Variants in AP3S2 observed in about 807,000 individuals in gnomAD.
AP3S2 encodes adaptor related protein complex 3 subunit sigma 2, also known as AP-3 complex subunit sigma-2.
A neutral mutation model predicts 23.4 loss-of-function variants in AP3S2; 22 were observed. That is an observed-to-expected ratio of 0.94 (90% confidence interval 0.67 to 1.34). The LOEUF is 1.34. Ranked by LOEUF, AP3S2 falls within the 40% of genes most tolerant of loss-of-function variation. AP3S2 has a pLI of 0.00. For synonymous variants in AP3S2, 86 were observed against 87.1 expected (o/e 0.99, Z 0.07); for missense variants, 241 against 236.9 (o/e 1.02, Z -0.11).
intron 5 of AP3S2, among the ~76,000 whole-genome samples, 197 bp from the exon 6 acceptor site, chr15:89,835,840 C>T (rs1358907028): frequency 1.3e-5 from 2 of 152,014 alleles, no homozygotes; most frequent in Non-Finnish European, 2.9e-5. Context: ...TAGGCCTGGC[C>T]AACATGGTGA....
At chr15:89,881,884 G>C (rs1028008201) in intron 3 of AP3S2, among the ~76,000 whole-genome samples, 1 of 150,810 alleles carries the variant, frequency 6.6e-6, no homozygotes, top group African/African-American at 2.4e-5. Flanking sequence ...GCAATGGCAC[G>C]ATCTCAGCTT....
chr15:89,893,732 G>C, intron 1 of AP3S2, 149 bp downstream of exon 1: 1 of 726,206 alleles, frequency 1.4e-6, no homozygotes, highest in South Asian at 1.9e-5. Flanking sequence ...CCTGCGCCTA[G>C]ATTAAATGCT....
Position 89,835,644 on chromosome 15 carries a change from C to A in AP3S2, c.454-1G>T. On this transcript the variant is annotated splice_acceptor_variant, in intron 5 of 5. Coordinates refer to ENST00000336418, the MANE Select transcript of AP3S2 (RefSeq NM_005829.5). LOFTEE classifies it high-confidence loss of function. ...GCGCAGGGGCTGCTGAAAGGCCACC[C>A]TAAGAAGAAATGAGAGGCGAGTATG... 6.2e-7 allele frequency: 1 copy of A among 1,608,194 alleles called. No homozygotes were observed. Among genetic ancestry groups the A allele is most frequent in the South Asian group, 1.1e-5 (1 of 90,496 alleles).
At position 89,833,033 on chromosome 15, in the gene AP3S2, T is replaced by A. The variant is rs1037156408; in HGVS notation, c.*2482A>T. On this transcript the variant is annotated 3_prime_UTR_variant, in exon 6 of 6. Transcript: ENST00000336418. The stretch of plus-strand genomic sequence containing the variant: ...TCAATGATTTTTTAAAACCATTGGT[T>A]TCTGGCAGGCAAAACATTCAAAATC... 3.9e-5 allele frequency: 6 copies of A among 152,216 alleles called. No individual in the cohort carries two copies. The highest frequency in any genetic ancestry group is 1.4e-4 in the African/African-American group (6 of 41,452). The allele number at this position is 152,216 out of a possible 1,614,324, so 9.4% of individuals were successfully genotyped here. A position where few individuals can be genotyped will look rare whatever the true frequency, so the allele number is the denominator to read the frequency against.
intron 4 of AP3S2, among the ~76,000 whole-genome samples, chr15:89,861,782 A>C (rs2141867979): frequency 6.6e-6 from 1 of 152,304 alleles, no homozygotes; most frequent in Non-Finnish European, 1.5e-5. Flanking sequence ...CTAACCAAGC[A>C]GGGAAAACAT....
In AP3S2 at chr15:89,868,977, C is replaced by T. The variant is rs1248030706; in HGVS notation, c.345+2498G>A. Among the ~76,000 whole-genome samples the T allele has an allele frequency of 2.6e-4, 39 of 148,624 alleles. 1 individual carries two copies. In the South Asian group the frequency reaches 6.6e-3, roughly 25 times the overall value. Reference sequence around the variant, plus strand: ...GGTCAGCCCCCTGCCCGGCCAGCCGCCCCGTCCGGGAGGTGAGGGGCGCCT... The same window carrying T: ...GGTCAGCCCCCTGCCCGGCCAGCCGTCCCGTCCGGGAGGTGAGGGGCGCCT... On this transcript the variant is annotated intron_variant, in intron 4 of 5. Coordinates refer to ENST00000336418, the MANE Select transcript of AP3S2 (RefSeq NM_005829.5).
At chr15:89,876,057 T>C (rs1401527076) in intron 3 of AP3S2, among the ~76,000 whole-genome samples, 1 of 152,052 alleles carries the variant, frequency 6.6e-6, no homozygotes, top group Admixed American at 6.5e-5. Flanking sequence ...ATCATCGTAG[T>C]AGAGGGAAAA....
intron 1 of AP3S2, among the ~76,000 whole-genome samples, chr15:89,892,865 C>T (rs1293223560): frequency 2.0e-5 from 3 of 152,034 alleles, no homozygotes; most frequent in Non-Finnish European, 4.4e-5. Context: ...GGGGTTTCAC[C>T]GTGTTAGCCA....
intron 4 of AP3S2, chr15:89,852,305 T>C (rs1258085274): frequency 6.6e-6 from 1 of 152,258 alleles, no homozygotes; most frequent in Admixed American, 6.5e-5. Context: ...TAGTTCTTAG[T>C]AAGTACTCGG....
chr15:89,849,659 G>A lies in AP3S2; in HGVS notation c.346-11937C>T, dbSNP rs376755781. Among the ~76,000 whole-genome samples, 39 of 152,116 alleles carry A rather than the reference G, an allele frequency of 2.6e-4. No homozygotes were observed. In the East Asian group the frequency reaches 6.2e-3, roughly 24 times the overall value. ...TGGGATTACAGGCATGAGCCACTGC[G>A]CCCAGCCTATGAATTGTACTTTTTT... On this transcript the variant is annotated intron_variant, in intron 4 of 5. Transcript: ENST00000336418.
chr15:89,889,168 G>A (rs767644657), intron 1 of AP3S2, 28 bp from the exon 2 acceptor site: 17 of 1,613,498 alleles, frequency 1.1e-5, no homozygotes, highest in African/African-American at 1.3e-5. Flanking sequence ...AAGTGAATCA[G>A]TGGGCAAGCC....
intron 4 of AP3S2, among the ~76,000 whole-genome samples, chr15:89,865,156 G>A (rs1290969891): frequency 2.6e-5 from 4 of 152,066 alleles, no homozygotes; most frequent in Admixed American, 2.6e-4. Flanking sequence ...GTCCACTGGG[G>A]AGCACTGCTC....
intron 4 of AP3S2, among the ~76,000 whole-genome samples, chr15:89,843,648 C>T (rs938847066): frequency 1.3e-5 from 2 of 151,624 alleles, no homozygotes; most frequent in Admixed American, 1.3e-4. Context: ...AAAAAACAAA[C>T]AAACAAAAGT....
chr15:89,878,237 G>A, intron 3 of AP3S2: 1 of 633,288 alleles, frequency 1.6e-6, no homozygotes, highest in South Asian at 1.8e-5. Context: ...AAAAACAACA[G>A]CAAAACTGTA....
intron 3 of AP3S2, among the ~76,000 whole-genome samples, chr15:89,885,305 A>G (rs1896671003): frequency 6.6e-6 from 1 of 151,682 alleles, no homozygotes; most frequent in Admixed American, 6.6e-5. Context: ...GGTGATTCTC[A>G]TGCCTTGGCT....
At chr15:89,842,377 G>A (rs1567173007) in intron 4 of AP3S2, among the ~76,000 whole-genome samples, 1 of 152,084 alleles carries the variant, frequency 6.6e-6, no homozygotes. Context: ...AGAGGATTGG[G>A]GTCTACACAC....
chr15:89,838,025 T>C (rs1895237889), intron 4 of AP3S2: 1 of 337,812 alleles, frequency 3.0e-6, no homozygotes. Context: ...CCTGGGCAAA[T>C]GACCTTTAAA....
At chr15:89,888,839 G>A (rs1006315487) in intron 2 of AP3S2, among the ~76,000 whole-genome samples, 1 of 152,106 alleles carries the variant, frequency 6.6e-6, no homozygotes, top group African/African-American at 2.4e-5. Context: ...CTATCCTCCC[G>A]GGGATCAATC....
intron 4 of AP3S2, among the ~76,000 whole-genome samples, chr15:89,862,830 C>T (rs751311720): frequency 7.2e-5 from 11 of 152,064 alleles, no homozygotes; most frequent in East Asian, 1.9e-4. Flanking sequence ...GAATAGGACT[C>T]GAGCCATACA....
Sources: allele counts gnomAD v4.1 joint callset (sites outside exome capture counted in the v4.1 genomes callset), GRCh38; gene constraint gnomAD v4.1.1; transcripts MANE v1.5; gene names NCBI Gene and HGNC (gene_info 2026-07-23, HGNC 2026-07-21).